The following ADAMTSL3 variants were observed in gnomAD, a reference collection of about 807,000 sequenced individuals.
ADAMTSL3 encodes the protein ADAMTS like 3, also known as ADAMTS-like protein 3.
ADAMTSL3 carries 128 observed loss-of-function variants against 201.7 expected under a neutral mutation model. That is an observed-to-expected ratio of 0.63 (90% CI 0.55 to 0.73). The LOEUF is 0.73. Ranked by LOEUF, ADAMTSL3 falls within the 30% of genes least tolerant of loss-of-function variation. ADAMTSL3 has a pLI of 0.00. For synonymous variants in ADAMTSL3, 738 were observed against 748.4 expected (o/e 0.99, Z 0.23); for missense variants, 1,990 against 2,119.6 (o/e 0.94, Z 1.20).
At chr15:84,004,193 A>G (rs2067850679) in intron 23 of ADAMTSL3, among the ~76,000 whole-genome samples, 2 of 152,198 alleles carry the variant, frequency 1.3e-5, no homozygotes, top group African/African-American at 4.8e-5. Flanking sequence ...GATGACTGAC[A>G]CATACTACAG....
At chr15:83,974,520 A>G (rs926881803) in intron 20 of ADAMTSL3, among the ~76,000 whole-genome samples, 56 of 152,312 alleles carry the variant, frequency 3.7e-4, no homozygotes, top group African/African-American at 1.3e-3. Flanking sequence ...GTTGTGTTGT[A>G]TATTCTGGCC....
At chr15:83,839,300 A>G (rs1489981921) in intron 7 of ADAMTSL3, among the ~76,000 whole-genome samples, 1 of 152,162 alleles carries the variant, frequency 6.6e-6, no homozygotes, top group African/African-American at 2.4e-5. Flanking sequence ...TTTCAGGCAG[A>G]GGAAACACAA....
At chr15:83,681,628 T>C (rs182692700) in intron 2 of ADAMTSL3, among the ~76,000 whole-genome samples, 43 of 152,336 alleles carry the variant, frequency 2.8e-4, no homozygotes, top group Non-Finnish European at 4.7e-4. Context: ...GTGGATTAAA[T>C]AGTTTGAATA....
chr15:83,884,307 C>G (rs183716837), intron 9 of ADAMTSL3, among the ~76,000 whole-genome samples: 123 of 145,630 alleles, frequency 8.4e-4, no homozygotes, highest in African/African-American at 2.7e-3. Flanking sequence ...AACTAATTAA[C>G]ATATATGTTA....
At chr15:83,936,082 T>C (rs992035597) in intron 17 of ADAMTSL3, among the ~76,000 whole-genome samples, 5 of 152,068 alleles carry the variant, frequency 3.3e-5, no homozygotes, top group Non-Finnish European at 7.4e-5. Context: ...CCGAAGTATA[T>C]TGTAAAGATA....
intron 3 of ADAMTSL3, among the ~76,000 whole-genome samples, chr15:83,723,368 CTTTTGA>C (rs1432352629): frequency 6.6e-6 from 1 of 152,136 alleles, no homozygotes; most frequent in African/African-American, 2.4e-5. Flanking sequence ...AAGTGCAGTG[CTTTTGA>C]TAAGCAGTTT....
intron 3 of ADAMTSL3, among the ~76,000 whole-genome samples, chr15:83,750,300 A>G (rs899000346): frequency 3.3e-5 from 5 of 152,216 alleles, no homozygotes; most frequent in African/African-American, 1.2e-4. Flanking sequence ...CTAAGTTTCT[A>G]CTTAAATAAT....
At chr15:83,672,787 CTCCAAGGGAAACAGACCT>C in intron 2 of ADAMTSL3, among the ~76,000 whole-genome samples, 1 of 152,338 alleles carries the variant, frequency 6.6e-6, no homozygotes, top group East Asian at 1.9e-4. Context: ...TGCCATGACT[CTCCAAGGGAAACAGACCT>C]TCCCAGAGCC....
chr15:83,764,240 C>G (rs1235862893), intron 3 of ADAMTSL3, among the ~76,000 whole-genome samples: 2 of 152,196 alleles, frequency 1.3e-5, no homozygotes, highest in Non-Finnish European at 2.9e-5. Flanking sequence ...TTTGCTCCCT[C>G]AGTCCTTACC....
At chr15:83,801,660 A>T (rs1249681351) in intron 4 of ADAMTSL3, among the ~76,000 whole-genome samples, 2 of 41,912 alleles carry the variant, frequency 4.8e-5, no homozygotes, top group African/African-American at 1.8e-4. Flanking sequence ...AAATATATAT[A>T]TATATATATA....
intron 27 of ADAMTSL3, among the ~76,000 whole-genome samples, chr15:84,028,959 C>T (rs1027907532): frequency 1.3e-5 from 2 of 152,156 alleles, no homozygotes; most frequent in African/African-American, 4.8e-5. Flanking sequence ...TCCTTGCTTC[C>T]TCTTTGCCTT....
chr15:83,720,716 C>G (rs1166468933), intron 3 of ADAMTSL3, among the ~76,000 whole-genome samples: 3 of 152,190 alleles, frequency 2.0e-5, no homozygotes, highest in African/African-American at 7.2e-5. Flanking sequence ...GGCAGTGAAA[C>G]TGTGTTACCA....
intron 23 of ADAMTSL3, among the ~76,000 whole-genome samples, chr15:84,004,097 A>T (rs1009722377): frequency 3.9e-5 from 6 of 152,202 alleles, no homozygotes; most frequent in African/African-American, 1.4e-4. Flanking sequence ...CTCTCTAGTA[A>T]CATCCCAACT....
Position 83,751,746 on chromosome 15 carries a change from C to T in ADAMTSL3, c.190-21777C>T, listed in dbSNP as rs74348306. Among the ~76,000 whole-genome samples, 654 of 152,280 alleles carry T rather than the reference C, an allele frequency of 4.3e-3. 3 individuals are homozygous for T. The highest frequency in any genetic ancestry group is 0.015 in the African/African-American group (621 of 41,538). ...AGGTGACATCCTCTTTATGGAGTTA[C>T]TTTCATCTTGATTCACTACTTGCTC... On this transcript the variant is annotated intron_variant, in intron 3 of 29. Coordinates refer to ENST00000286744, the MANE Select transcript of ADAMTSL3 (RefSeq NM_207517.3).
intron 8 of ADAMTSL3, among the ~76,000 whole-genome samples, chr15:83,864,843 A>G (rs1426235973): frequency 2.6e-5 from 4 of 152,214 alleles, no homozygotes; most frequent in Non-Finnish European, 5.9e-5. Context: ...TGCAGATGAC[A>G]TGATTGTATA....
intron 15 of ADAMTSL3, among the ~76,000 whole-genome samples, chr15:83,908,881 G>A (rs1236931784): frequency 1.3e-5 from 2 of 152,202 alleles, no homozygotes; most frequent in African/African-American, 4.8e-5. Flanking sequence ...GTGTCTGTCA[G>A]TCTGAAGTCT....
intron 9 of ADAMTSL3, among the ~76,000 whole-genome samples, chr15:83,871,602 G>A (rs1342144944): frequency 6.6e-6 from 1 of 152,134 alleles, no homozygotes; most frequent in African/African-American, 2.4e-5. Flanking sequence ...GATGTTCTAT[G>A]ACAGATACTT....
chr15:83,872,880 C>T (rs910322519), intron 9 of ADAMTSL3, among the ~76,000 whole-genome samples: 4 of 145,264 alleles, frequency 2.8e-5, no homozygotes, highest in East Asian at 2.2e-4. Context: ...TGTACACACA[C>T]GTATATGTAT....
chr15:83,895,916 C>T lies in ADAMTSL3; in HGVS notation c.1468-1942C>T, dbSNP rs1241621625. Among the ~76,000 whole-genome samples, 3 of 152,092 alleles carry T rather than the reference C, an allele frequency of 2.0e-5. 1 individual carries two copies. The highest frequency in any genetic ancestry group is 4.1e-4 in the South Asian group (2 of 4,822). ...GTGGCATCATGAACTAGAGAGATTT[C>T]CCAATATTCTGCCTGATGTGTGTAC... On this transcript the variant is annotated intron_variant, in intron 13 of 29. Coordinates refer to ENST00000286744, the MANE Select transcript of ADAMTSL3 (RefSeq NM_207517.3).
Sources: gnomAD v4.1 joint callset for allele counts (sites outside exome capture counted in the v4.1 genomes callset) on GRCh38, gnomAD v4.1.1 for gene constraint, MANE v1.5 for transcripts, NCBI Gene and HGNC (gene_info 2026-07-23, HGNC 2026-07-21) for gene names.